The following SLC25A21 variants were observed in gnomAD, a reference collection of about 807,000 sequenced individuals.
SLC25A21 encodes the protein mitochondrial 2-oxodicarboxylate carrier.
Under a neutral mutation model 43.8 loss-of-function variants are expected in SLC25A21, and 47 were observed. That is an observed-to-expected ratio of 1.07 (90% CI 0.85 to 1.37). The LOEUF is 1.37. Ranked by LOEUF, SLC25A21 falls within the 40% of genes most tolerant of loss-of-function variation. SLC25A21 has a pLI of 0.00. For missense variants in SLC25A21, 352 were observed against 350.2 expected, an observed-to-expected ratio of 1.00 and a Z score of -0.04; for synonymous variants, 131 against 121.3, an observed-to-expected ratio of 1.08 and a Z score of -0.52.
chr14:36,764,198 G>GAA (rs1566588473), intron 3 of SLC25A21, among the ~76,000 whole-genome samples: 4 of 135,512 alleles, frequency 3.0e-5, no homozygotes, highest in Non-Finnish European at 6.1e-5. Context: ...GAAAGAGAAA[G>GAA]AAAGAAACTG....
chr14:37,069,571 T>C (rs8017606), intron 1 of SLC25A21, among the ~76,000 whole-genome samples: 1 of 152,244 alleles, frequency 6.6e-6, no homozygotes, highest in Non-Finnish European at 1.5e-5. Flanking sequence ...GTTTTAATTT[T>C]AATCAGTTTC....
chr14:37,073,012 C>T (rs1962205767), intron 1 of SLC25A21, among the ~76,000 whole-genome samples: 1 of 152,148 alleles, frequency 6.6e-6, no homozygotes, highest in South Asian at 2.1e-4. Flanking sequence ...TAGATTCATC[C>T]AGTTGAAAGG....
rs1336788836 is a variant in SLC25A21 at position 36,951,445 on chromosome 14, T to C, written c.71-76441A>G. Among the ~76,000 whole-genome samples the C allele has an allele frequency of 2.6e-5, 4 of 152,172 alleles. No individual in the cohort carries two copies. The East Asian group carries it at 7.7e-4, about 29-fold the overall frequency. On this transcript the variant is annotated intron_variant, in intron 1 of 9. Transcript: ENST00000331299. ...TCTAAATTATTGAACTCTCTGCATC[T>C]CAAAGCCAAACCCCTTACAAACCAA... is the stretch of plus-strand genomic sequence containing the variant.
At chr14:36,814,381 G>A (rs200653459) in intron 2 of SLC25A21, among the ~76,000 whole-genome samples, 1 of 57,918 alleles carries the variant, frequency 1.7e-5, no homozygotes, top group Non-Finnish European at 4.1e-5. Flanking sequence ...TTTCTTATAA[G>A]TCTTCCTTGA....
intron 6 of SLC25A21, among the ~76,000 whole-genome samples, chr14:36,715,917 CCT>C (rs1432572900): frequency 6.6e-6 from 1 of 151,962 alleles, no homozygotes; most frequent in East Asian, 1.9e-4. Flanking sequence ...GTGGTGAAAC[CCT>C]GTCTCTACTA....
In SLC25A21 at chr14:36,796,348, A is replaced by AATTTATTTATTTATTTATTT. The variant is rs555283170; in HGVS notation, c.203+17550_203+17569dup. Among the ~76,000 whole-genome samples, 341 of 151,364 alleles carry AATTTATTTATTTATTTATTT rather than the reference A, an allele frequency of 2.3e-3. 1 individual carries two copies. Among genetic ancestry groups the AATTTATTTATTTATTTATTT allele is most frequent in the African/African-American group, 6.9e-3 (284 of 40,922 alleles). On this transcript the variant is annotated intron_variant, in intron 3 of 9. Transcript: ENST00000331299. ...CAGTAAATAAAAAAGACAGTATGGT[A>AATTTATTTATTTATTTATTT]ATTTATTTATTTATTTATTTATTTA...
intron 2 of SLC25A21, among the ~76,000 whole-genome samples, chr14:36,816,072 G>C (rs1336422308): frequency 1.3e-5 from 2 of 152,154 alleles, no homozygotes; most frequent in African/African-American, 4.8e-5. Context: ...TGAGTGTACT[G>C]CTTTGACTGA....
At chr14:37,091,162 C>G (rs998969614) in intron 1 of SLC25A21, among the ~76,000 whole-genome samples, 1 of 152,080 alleles carries the variant, frequency 6.6e-6, no homozygotes, top group Admixed American at 6.6e-5. Context: ...GGGCCGGGTG[C>G]GGTGGCTCAT....
chr14:36,916,153 G>A (rs1004918058), intron 1 of SLC25A21, among the ~76,000 whole-genome samples: 2 of 152,164 alleles, frequency 1.3e-5, no homozygotes, highest in African/African-American at 2.4e-5. Context: ...TAGATTCTCA[G>A]CAACTTAAGA....
intron 1 of SLC25A21, among the ~76,000 whole-genome samples, chr14:36,901,006 C>G (rs1276163957): frequency 1.3e-5 from 2 of 152,048 alleles, no homozygotes; most frequent in Non-Finnish European, 1.5e-5. Context: ...CGTTCTCAAG[C>G]CAATATATGC....
chr14:36,873,069 C>T (rs1215667239), intron 2 of SLC25A21, among the ~76,000 whole-genome samples: 1 of 152,042 alleles, frequency 6.6e-6, no homozygotes, highest in African/African-American at 2.4e-5. Context: ...TTCATTGGAA[C>T]AGTTTACTAA....
chr14:36,966,089 C>T (rs1202657387), intron 1 of SLC25A21, among the ~76,000 whole-genome samples: 1 of 152,030 alleles, frequency 6.6e-6, no homozygotes, highest in East Asian at 1.9e-4. Flanking sequence ...CTACATGGAA[C>T]GTAAGAAACA....
At chr14:36,813,799 T>C in intron 3 of SLC25A21, 119 bp downstream of exon 3, 1 of 689,608 alleles carries the variant, frequency 1.5e-6, no homozygotes, top group Non-Finnish European at 2.5e-6. Flanking sequence ...CATAACAAAG[T>C]AGAAAGGTAC....
intron 3 of SLC25A21, among the ~76,000 whole-genome samples, chr14:36,804,015 A>G (rs542523123): frequency 5.2e-4 from 79 of 152,314 alleles, no homozygotes; most frequent in African/African-American, 1.9e-3. Context: ...GTCTCATAGA[A>G]TGATGGTGCC....
chr14:37,091,853 C>T (rs1019412787), intron 1 of SLC25A21, among the ~76,000 whole-genome samples: 3 of 152,158 alleles, frequency 2.0e-5, no homozygotes, highest in Admixed American at 6.5e-5. Flanking sequence ...GTCAGCCAGG[C>T]GCAGTGACTC....
chr14:36,929,293 C>A (rs1018613115), intron 1 of SLC25A21, among the ~76,000 whole-genome samples: 2 of 152,132 alleles, frequency 1.3e-5, no homozygotes, highest in African/African-American at 4.8e-5. Context: ...CACTCACAGT[C>A]CATGGGATTT....
intron 1 of SLC25A21, among the ~76,000 whole-genome samples, chr14:37,041,111 G>T (rs1338163015): frequency 6.6e-6 from 1 of 152,008 alleles, no homozygotes; most frequent in Non-Finnish European, 1.5e-5. Flanking sequence ...TTCAGTTTTT[G>T]GAAATGCTGC....
intron 1 of SLC25A21, among the ~76,000 whole-genome samples, chr14:36,940,911 T>A: frequency 6.6e-6 from 1 of 152,170 alleles, no homozygotes; most frequent in East Asian, 1.9e-4. Flanking sequence ...GGATAGGTCA[T>A]TTGATCTTGC....
At chr14:37,138,880 T>C (rs1963526571) in intron 1 of SLC25A21, among the ~76,000 whole-genome samples, 2 of 152,146 alleles carry the variant, frequency 1.3e-5, no homozygotes, top group East Asian at 1.9e-4. Context: ...TTTTTACTAA[T>C]GTTCTTTGGT....
Sources: allele counts gnomAD v4.1 joint callset (sites outside exome capture counted in the v4.1 genomes callset), GRCh38; gene constraint gnomAD v4.1.1; transcripts MANE v1.5; gene names NCBI Gene and HGNC (gene_info 2026-07-23, HGNC 2026-07-21).